Variants in DNAH7 observed in about 807,000 individuals in gnomAD.
DNAH7 encodes the protein axonemal beta dynein heavy chain 7.
A neutral mutation model predicts 444.6 loss-of-function variants in DNAH7; 397 were observed. The observed-to-expected ratio is 0.89, with a 90% CI of 0.82 to 0.97. The LOEUF is 0.97. DNAH7 is among the 50% of genes least tolerant of loss of function. The pLI, the probability that DNAH7 is intolerant of heterozygous loss-of-function variation, is 0.00. For synonymous variants in DNAH7, 1,636 were observed against 1,624.4 expected, an observed-to-expected ratio of 1.01 and a Z score of -0.17; for missense variants, 4,902 against 4,800.8, an observed-to-expected ratio of 1.02 and a Z score of -0.62.
At position 195,961,438 on chromosome 2, in the gene DNAH7, G is replaced by GAATTTGATTTTTTTTCATTCTACTCTCTA. The variant is rs879597133; in HGVS notation, c.2206-494_2206-493insTAGAGAGTAGAATGAAAAAAAATCAAATT. 0.019 allele frequency among the ~76,000 whole-genome samples: 2,919 copies of GAATTTGATTTTTTTTCATTCTACTCTCTA among 152,016 alleles called. 241 individuals carry two copies. The East Asian group carries it at 0.26, about 14-fold the overall frequency. Reference sequence around the variant, plus strand: ...CCTTGTAGGCATCATTCTACTCTCTGCTTCTATGAATTTGATTTTTTATTA... The same window carrying GAATTTGATTTTTTTTCATTCTACTCTCTA: ...CCTTGTAGGCATCATTCTACTCTCTGAATTTGATTTTTTTTCATTCTACTCTCTACTTCTATGAATTTGATTTTTTATTA... On this transcript the variant is annotated intron_variant, in intron 17 of 64. Coordinates refer to ENST00000312428, the MANE Select transcript of DNAH7 (RefSeq NM_018897.3).
intron 44 of DNAH7, 109 bp from the exon 45 acceptor site, chr2:195,856,100 T>A (rs1357394036): frequency 2.0e-6 from 2 of 983,678 alleles, no homozygotes; most frequent in African/African-American, 1.6e-5. Context: ...AACACTTCTT[T>A]ATGCAAAAAT....
In DNAH7 at chr2:195,775,856, A is replaced by T. The variant is rs781195184; in HGVS notation, c.11192T>A (p.Leu3731His). 3.1e-6 allele frequency: 5 copies of T among 1,614,124 alleles called. No individual in the cohort carries two copies. Among genetic ancestry groups the T allele is most frequent in the Admixed American group, 3.3e-5 (2 of 60,030 alleles). Reference protein sequence around the residue: ...SETQLLFDNILLTQSRSAGAG... With the variant: ...SETQLLFDNIHLTQSRSAGAG... The stretch of plus-strand genomic sequence containing the variant: ...ATACAGATCACACACCTGTGTAAGA[A>T]GAATGTTATCAAATAGCAGCTGAGT... Residue 3731 changes from leucine to histidine, a missense_variant, in exon 60 of 65, where the codon CTT becomes CAT. Physicochemically the swap from Leu to His is moderately conservative, Grantham distance 99. Transcript: ENST00000312428.
chr2:195,910,330 C>A (rs1426277245), intron 24 of DNAH7, 135 bp from the exon 25 acceptor site: 3 of 681,762 alleles, frequency 4.4e-6, no homozygotes, highest in Non-Finnish European at 7.0e-6. Flanking sequence ...TTCCCAGTAA[C>A]CTCTGAAAAT....
chr2:195,952,782 A>T (rs1212206161), intron 19 of DNAH7, among the ~76,000 whole-genome samples: 5 of 151,962 alleles, frequency 3.3e-5, no homozygotes. Context: ...CAGCTCCATC[A>T]GGTCATTTAT....
chr2:195,861,857 G>T lies in DNAH7; in HGVS notation c.7596C>A (p.Asp2532Glu), dbSNP rs1208253103. ...TAGAAGTGTGGAAGCTTTTACACATGTCGATACAGCCATCTCGTATTTCCT... is the reference window on the plus strand; with the variant it reads ...TAGAAGTGTGGAAGCTTTTACACATTTCGATACAGCCATCTCGTATTTCCT... ...MSEEIRDGCI[D>E]MCKSFHTSTI... The change falls in exon 42 of 65, where the codon GAC (aspartate) becomes GAA (glutamate). Residue 2532 changes from aspartate to glutamate, a missense_variant. Physicochemically the swap from Asp to Glu is conservative, Grantham distance 45. Transcript: ENST00000312428. 1 of 1,613,760 alleles carries T rather than the reference G, an allele frequency of 6.2e-7. No individual in the cohort carries two copies. Among genetic ancestry groups the T allele is most frequent in the African/African-American group, 1.3e-5 (1 of 74,908 alleles).
chr2:195,788,040 C>T (rs1451451958), intron 57 of DNAH7, among the ~76,000 whole-genome samples: 2 of 152,164 alleles, frequency 1.3e-5, no homozygotes, highest in African/African-American at 2.4e-5. Context: ...AGTAGAGACA[C>T]TGCCAAAGGT....
chr2:195,988,055 C>G lies in DNAH7; in HGVS notation c.1528G>C (p.Asp510His), dbSNP rs749006567. 1 of 1,613,500 alleles carries G rather than the reference C, an allele frequency of 6.2e-7. No individual in the cohort carries two copies. Among genetic ancestry groups the G allele is most frequent in the East Asian group, 2.2e-5 (1 of 44,830 alleles). Residue 510 changes from aspartate (D) to histidine (H), a missense_variant, in exon 13 of 65, where the codon GAT (aspartate) becomes CAT (histidine). Transcript: ENST00000312428. Reference protein sequence around the residue: ...LITRKAERDVDNFLAENHSYE... With the variant: ...LITRKAERDVHNFLAENHSYE... ...CTATGATTTTCTGCGAGGAAGTTAT[C>G]AACATCTCGCTCAGCTTTTCTGGTA...
At chr2:195,900,137 T>C (rs1223008536) in intron 28 of DNAH7, 145 bp downstream of exon 28, 3 of 821,246 alleles carry the variant, frequency 3.7e-6, no homozygotes, top group Non-Finnish European at 5.8e-6. Context: ...TTTTCATGTG[T>C]ACAAGATAAT....
intron 35 of DNAH7, among the ~76,000 whole-genome samples, chr2:195,883,213 C>T (rs1701508836): frequency 6.6e-6 from 1 of 152,038 alleles, no homozygotes; most frequent in African/African-American, 2.4e-5. Context: ...TTTGGGAGGC[C>T]GAAGTGGGCC....
At chr2:195,817,664 A>G (rs527392395) in intron 50 of DNAH7, 32 bp downstream of exon 50, 10 of 1,567,826 alleles carry the variant, frequency 6.4e-6, no homozygotes, top group African/African-American at 2.7e-5. Flanking sequence ...CTAGAAACAA[A>G]TAAGAATAGT....
chr2:195,754,208 T>C, intron 63 of DNAH7, 129 bp downstream of exon 63: 1 of 1,011,786 alleles, frequency 9.9e-7, no homozygotes, highest in Non-Finnish European at 1.4e-6. Context: ...AATAATTTTT[T>C]TCTCTGGCAT....
intron 35 of DNAH7, among the ~76,000 whole-genome samples, chr2:195,883,729 G>A (rs935676196): frequency 2.0e-5 from 3 of 152,212 alleles, no homozygotes; most frequent in South Asian, 4.2e-4. Context: ...GCACAGTCGC[G>A]CCTTTTGGGG....
intron 10 of DNAH7, among the ~76,000 whole-genome samples, chr2:196,005,384 A>G (rs190652003): frequency 6.6e-6 from 1 of 151,980 alleles, no homozygotes; most frequent in African/African-American, 2.4e-5. Context: ...AAACAAAAAA[A>G]TATTGAATAG....
At chr2:195,953,751 T>C (rs1194033282) in intron 19 of DNAH7, among the ~76,000 whole-genome samples, 1 of 152,212 alleles carries the variant, frequency 6.6e-6, no homozygotes, top group African/African-American at 2.4e-5. Context: ...AAGCCAGTTA[T>C]ATTAACAACA....
At chr2:195,994,434 G>A (rs1256711677) in intron 12 of DNAH7, 1 of 638,450 alleles carries the variant, frequency 1.6e-6, no homozygotes, top group Non-Finnish European at 2.8e-6. Context: ...TAAAAAGTTG[G>A]CTGGGGAGGC....
At chr2:196,006,855 A>G (rs1256069196) in intron 10 of DNAH7, among the ~76,000 whole-genome samples, 2 of 152,106 alleles carry the variant, frequency 1.3e-5, no homozygotes, top group African/African-American at 4.8e-5. Context: ...ACATTTTTGT[A>G]TTTACATTTA....
chr2:195,866,174 C>T lies in DNAH7; in HGVS notation c.6634-1153G>A, dbSNP rs143861725. 1.2e-3 allele frequency among the ~76,000 whole-genome samples: 176 copies of T among 152,292 alleles called. 3 individuals are homozygous for T. The East Asian group carries it at 0.026, about 23-fold the overall frequency. On this transcript the variant is annotated intron_variant, in intron 40 of 64. Transcript: ENST00000312428. Reference sequence around the variant, plus strand: ...TATAAAATAGAAGTAGTATTACCTACCTCGCAAATCTCATAGATTTGGGGA... The same window carrying T: ...TATAAAATAGAAGTAGTATTACCTATCTCGCAAATCTCATAGATTTGGGGA...
chr2:196,036,160 T>G (rs1276015025), intron 5 of DNAH7, among the ~76,000 whole-genome samples: 2 of 151,966 alleles, frequency 1.3e-5, no homozygotes, highest in African/African-American at 4.8e-5. Context: ...GCCTCCCAAG[T>G]AGCTGGAACT....
At chr2:195,829,844 C>T (rs1314814316) in intron 48 of DNAH7, among the ~76,000 whole-genome samples, 2 of 151,886 alleles carry the variant, frequency 1.3e-5, no homozygotes, top group African/African-American at 4.8e-5. Flanking sequence ...AGAATCAAGT[C>T]TTAATCCTGT....
Sources: allele counts gnomAD v4.1 joint callset (sites outside exome capture counted in the v4.1 genomes callset), GRCh38; gene constraint gnomAD v4.1.1; transcripts MANE v1.5; gene names NCBI Gene and HGNC (gene_info 2026-07-23, HGNC 2026-07-21).